The following SERPINB10 variants were observed in gnomAD, a reference collection of about 807,000 sequenced individuals.
The protein encoded by SERPINB10 is serpin B10.
In SERPINB10, 35 loss-of-function variants were observed where a neutral mutation model predicts 39.1. The observed-to-expected ratio is 0.90, with a 90% CI of 0.68 to 1.19. SERPINB10 has a LOEUF of 1.19. SERPINB10 is among the 50% of genes most tolerant of loss of function. The pLI, the probability that SERPINB10 is intolerant of heterozygous loss-of-function variation, is 0.00. For synonymous variants in SERPINB10, 190 were observed against 158.1 expected, an observed-to-expected ratio of 1.20 and a Z score of -1.52; for missense variants, 546 against 460.5, an observed-to-expected ratio of 1.19 and a Z score of -1.70.
At chr18:63,933,693 A>G (rs1490358484) in intron 7 of SERPINB10, among the ~76,000 whole-genome samples, 1 of 152,210 alleles carries the variant, frequency 6.6e-6, no homozygotes, top group Non-Finnish European at 1.5e-5. Context: ...CAAGTAAGCA[A>G]CCTTCAGGAG....
At chr18:63,915,275 C>T (rs2050092879) in intron 1 of SERPINB10, among the ~76,000 whole-genome samples, 2 of 152,050 alleles carry the variant, frequency 1.3e-5, no homozygotes, top group East Asian at 1.9e-4. Context: ...TCCATTTATT[C>T]TCTAATGCAC....
At position 63,935,075 on chromosome 18, in the gene SERPINB10, G is replaced by A. The variant is rs906343140; in HGVS notation, c.1027G>A (p.Glu343Lys). The change falls in exon 8 of 8, where the codon GAA becomes AAA. Residue 343 changes from glutamate to lysine, a missense_variant. Physicochemically the swap from Glu to Lys is moderately conservative, Grantham distance 56. Coordinates refer to ENST00000238508, the MANE Select transcript of SERPINB10 (RefSeq NM_005024.3). The part of the protein sequence containing the change: ...LSNVFHKAFV[E>K]INEQGTEAAA... ...CAATGTTTTCCATAAGGCTTTTGTGGAAATAAATGAACAAGGTACTGAAGC... is the reference window on the plus strand; with the variant it reads ...CAATGTTTTCCATAAGGCTTTTGTGAAAATAAATGAACAAGGTACTGAAGC... 1.1e-5 allele frequency: 17 copies of A among 1,614,056 alleles called. No individual in the cohort carries two copies. The highest frequency in any genetic ancestry group is 1.2e-5 in the Non-Finnish European group (14 of 1,180,042).
chr18:63,918,158 A>C (rs2050118653), intron 4 of SERPINB10, 56 bp downstream of exon 4: 1 of 1,569,864 alleles, frequency 6.4e-7, no homozygotes, highest in Non-Finnish European at 8.7e-7. Context: ...ATGTGAGACC[A>C]ATCAGTAAAC....
intron 1 of SERPINB10, among the ~76,000 whole-genome samples, chr18:63,911,380 ATT>A (rs59241343): frequency 2.7e-4 from 39 of 146,718 alleles, no homozygotes; most frequent in African/African-American, 7.9e-4. Context: ...CGTTTCCTGG[ATT>A]TTTTTTTTTC....
chr18:63,915,643 G>A lies in SERPINB10; in HGVS notation c.133G>A (p.Gly45Ser). ...AACTTCCTTGACCATAGTGTATTTG[G>A]GCGCCAAAGGTACCACTGCAGCCCA... ...ISTSLTIVYL[G>S]AKGTTAAQMA... The change falls in exon 2 of 8, where the codon GGC becomes AGC. Residue 45 changes from glycine (G) to serine (S), a missense_variant. Transcript: ENST00000238508. The A allele has an allele frequency of 6.2e-7, 1 of 1,611,606 alleles. No individual in the cohort carries two copies. Among genetic ancestry groups the A allele is most frequent in the South Asian group, 1.1e-5 (1 of 90,906 alleles).
chr18:63,915,662 C>A lies in SERPINB10; in HGVS notation c.152C>A (p.Ala51Glu), dbSNP rs1181317560. Residue 51 changes from alanine to glutamate, a missense_variant, in exon 2 of 8, where the codon GCA becomes GAA. By Grantham distance (107) the Ala-to-Glu change is moderately radical (BLOSUM62 -1). Transcript: ENST00000238508. Reference sequence around the variant, plus strand: ...TATTTGGGCGCCAAAGGTACCACTGCAGCCCAAATGGCCCAGGTGAGTGGA... The same window carrying A: ...TATTTGGGCGCCAAAGGTACCACTGAAGCCCAAATGGCCCAGGTGAGTGGA... The part of the protein sequence containing the change: ...IVYLGAKGTT[A>E]AQMAQVLQFN... 1 of 1,610,246 alleles carries A rather than the reference C, an allele frequency of 6.2e-7. No homozygotes were observed. The highest frequency in any genetic ancestry group is 1.3e-5 in the African/African-American group (1 of 74,686).
Position 63,935,339 on chromosome 18 carries a change from C to A in SERPINB10, c.*97C>A. On this transcript the variant is annotated 3_prime_UTR_variant, in exon 8 of 8. Coordinates refer to ENST00000238508, the MANE Select transcript of SERPINB10 (RefSeq NM_005024.3). ...ATTTTCACAAAAATGAGTTTGTAGT[C>A]TAAACCTTTTTCACATTTGAATATA... 1 of 1,262,770 alleles carries A rather than the reference C, an allele frequency of 7.9e-7. No individual in the cohort carries two copies. The highest frequency in any genetic ancestry group is 1.1e-6 in the Non-Finnish European group (1 of 923,320). 78.2% of individuals were successfully genotyped at this position (1,262,770 alleles called of 1,614,324 possible).
In SERPINB10 at chr18:63,910,063, A is replaced by G. The variant is rs142192600; in HGVS notation, c.-10+2023A>G. ...TTTGGTTAAGTGTAAGTTTATGGCT[A>G]GGGGGGATTCCCACAGTATCACTAT... On this transcript the variant is annotated intron_variant, in intron 1 of 7. Transcript: ENST00000238508. Among the ~76,000 whole-genome samples, 32 of 152,084 alleles carry G rather than the reference A, an allele frequency of 2.1e-4. No homozygotes were observed. In the East Asian group the frequency reaches 5.6e-3, roughly 27 times the overall value.
Position 63,934,996 on chromosome 18 carries a change from C to T in SERPINB10, c.948C>T (p.Ser316=). ...GTATGGGGATGAGTGATGCCTTCAG[C>T]CAAAGCAAAGCTGATTTCTCAGGAA... ...LSSMGMSDAF[S]QSKADFSGMS... Residue 316 remains serine (S), a synonymous_variant, in exon 8 of 8, where the codon AGC becomes AGT. Coordinates refer to ENST00000238508, the MANE Select transcript of SERPINB10 (RefSeq NM_005024.3). 2 of 1,614,158 alleles carry T rather than the reference C, an allele frequency of 1.2e-6. No individual in the cohort carries two copies. Among genetic ancestry groups the T allele is most frequent in the Non-Finnish European group, 1.7e-6 (2 of 1,180,034 alleles).
At chr18:63,921,323 C>G (rs1362380562) in intron 5 of SERPINB10, among the ~76,000 whole-genome samples, 1 of 151,896 alleles carries the variant, frequency 6.6e-6, no homozygotes, top group African/African-American at 2.4e-5. Flanking sequence ...GGGTCCCATG[C>G]ATTTCAAATT....
chr18:63,925,750 A>T (rs528301392), intron 5 of SERPINB10, among the ~76,000 whole-genome samples: 1 of 152,154 alleles, frequency 6.6e-6, no homozygotes, highest in South Asian at 2.1e-4. Flanking sequence ...ACCATCTGCA[A>T]TAGTAACCAC....
intron 1 of SERPINB10, among the ~76,000 whole-genome samples, chr18:63,911,937 T>C (rs2050067787): frequency 1.2e-5 from 1 of 83,288 alleles, no homozygotes; most frequent in African/African-American, 7.0e-5. Flanking sequence ...TTGTTTGTAT[T>C]ATTTATGATT....
intron 1 of SERPINB10, among the ~76,000 whole-genome samples, chr18:63,912,695 C>T (rs1599073566): frequency 1.3e-5 from 2 of 151,888 alleles, no homozygotes; most frequent in African/African-American, 4.8e-5. Flanking sequence ...TTTTATTGAG[C>T]ATTTTTGCAT....
chr18:63,915,809 A>G (rs1015063623), intron 2 of SERPINB10, 131 bp downstream of exon 2: 5 of 789,708 alleles, frequency 6.3e-6, no homozygotes, highest in Non-Finnish European at 9.6e-6. Context: ...CAAGACATAC[A>G]TTAAAACATT....
At position 63,934,902 on chromosome 18, in the gene SERPINB10, A is replaced by G; in HGVS notation, c.854A>G (p.Tyr285Cys). Reference protein sequence around the residue: ...EWTSADMMELYEVQLHLPKFK... With the variant: ...EWTSADMMELCEVQLHLPKFK... Reference sequence around the variant, plus strand: ...ACCAGTGCAGACATGATGGAGTTGTATGAAGTGCAGCTACACCTTCCCAAG... The same window carrying G: ...ACCAGTGCAGACATGATGGAGTTGTGTGAAGTGCAGCTACACCTTCCCAAG... Residue 285 changes from tyrosine to cysteine, a missense_variant, in exon 8 of 8, where the codon TAT becomes TGT. Physicochemically the swap from Tyr to Cys is radical, Grantham distance 194. Transcript: ENST00000238508. The G allele has an allele frequency of 6.2e-7, 1 of 1,614,218 alleles. No homozygotes were observed. Among genetic ancestry groups the G allele is most frequent in the Non-Finnish European group, 8.5e-7 (1 of 1,180,026 alleles).
intron 6 of SERPINB10, among the ~76,000 whole-genome samples, chr18:63,932,243 C>A (rs926180929): frequency 1.3e-5 from 2 of 152,202 alleles, no homozygotes; most frequent in East Asian, 3.8e-4. Context: ...TCTGTGGACA[C>A]TGTTTTTAAC....
At chr18:63,921,323 C>T (rs1362380562) in intron 5 of SERPINB10, among the ~76,000 whole-genome samples, 1 of 151,896 alleles carries the variant, frequency 6.6e-6, no homozygotes, top group Non-Finnish European at 1.5e-5. Context: ...GGGTCCCATG[C>T]ATTTCAAATT....
rs1332530070 is a variant in SERPINB10, at chr18:63,913,879, GTGTC to G, written c.-9-1617_-9-1614del. The stretch of plus-strand genomic sequence containing the variant: ...TGTTAAAGTCCCCCACTATTGTTGT[GTGTC>G]TGTCTAAGTCTTTTTGTAGGTTGAA... On this transcript the variant is annotated intron_variant, in intron 1 of 7. Coordinates refer to ENST00000238508, the MANE Select transcript of SERPINB10 (RefSeq NM_005024.3). Among the ~76,000 whole-genome samples the G allele has an allele frequency of 3.3e-5, 5 of 152,168 alleles. No homozygotes were observed. The South Asian group carries it at 8.3e-4, about 25-fold the overall frequency.
chr18:63,928,820 G>C (rs1179720311), intron 5 of SERPINB10, among the ~76,000 whole-genome samples: 6 of 134,350 alleles, frequency 4.5e-5, no homozygotes, highest in Non-Finnish European at 9.1e-5. Context: ...GTGAATGGGA[G>C]TTCACTCATG....
Sources: gnomAD v4.1 joint callset for allele counts (sites outside exome capture counted in the v4.1 genomes callset) on GRCh38, gnomAD v4.1.1 for gene constraint, MANE v1.5 for transcripts, NCBI Gene and HGNC (gene_info 2026-07-23, HGNC 2026-07-21) for gene names.